The following COL23A1 variants were observed in gnomAD, a reference collection of about 807,000 sequenced individuals.
The protein encoded by COL23A1 is collagen type XXIII alpha 1 chain, also known as collagen alpha-1(XXIII) chain.
A neutral mutation model predicts 99.3 loss-of-function variants in COL23A1; 97 were observed. The observed-to-expected ratio is 0.98, with a 90% CI of 0.83 to 1.16. COL23A1 has a LOEUF of 1.16. COL23A1 is among the 50% of genes most tolerant of loss of function. The pLI, the probability that COL23A1 is intolerant of heterozygous loss-of-function variation, is 0.00. For missense variants in COL23A1, 762 were observed against 757.4 expected (o/e 1.01, Z -0.07); for synonymous variants, 320 against 308.2 (o/e 1.04, Z -0.40).
chr5:178,283,617 C>T (rs1757012220), intron 5 of COL23A1, among the ~76,000 whole-genome samples: 1 of 152,126 alleles, frequency 6.6e-6, no homozygotes, highest in African/African-American at 2.4e-5. Flanking sequence ...TAAAACAAAC[C>T]AGAAAGTCAC....
intron 5 of COL23A1, among the ~76,000 whole-genome samples, chr5:178,272,462 G>A (rs540791073): frequency 5.3e-5 from 8 of 152,342 alleles, no homozygotes; most frequent in African/African-American, 1.2e-4. Context: ...TCTCATGGTC[G>A]CTGAGGGTTT....
intron 2 of COL23A1, chr5:178,344,769 C>T (rs551043779): frequency 5.3e-5 from 26 of 489,964 alleles, no homozygotes; most frequent in Middle Eastern, 1.3e-3. Flanking sequence ...ACTGTATGCC[C>T]GTTGCCTCCA....
chr5:178,286,780 C>T (rs956030374), intron 5 of COL23A1, among the ~76,000 whole-genome samples: 3 of 152,178 alleles, frequency 2.0e-5, no homozygotes, highest in Non-Finnish European at 1.5e-5. Flanking sequence ...AGCCCCCTGC[C>T]CCTCCCCCGG....
At chr5:178,540,415 A>G (rs904094368) in intron 2 of COL23A1, among the ~76,000 whole-genome samples, 2 of 152,208 alleles carry the variant, frequency 1.3e-5, no homozygotes, top group African/African-American at 2.4e-5. Flanking sequence ...ACCTATCTAC[A>G]CAAGTTCACA....
intron 17 of COL23A1, among the ~76,000 whole-genome samples, 153 bp downstream of exon 17, chr5:178,252,391 C>A (rs1292525959): frequency 6.6e-6 from 1 of 152,120 alleles, no homozygotes; most frequent in Non-Finnish European, 1.5e-5. Flanking sequence ...AGAAGGCACT[C>A]AGCCTGGGAG....
intron 1 of COL23A1, among the ~76,000 whole-genome samples, chr5:178,584,953 T>G (rs1423754802): frequency 2.0e-5 from 3 of 151,986 alleles, no homozygotes; most frequent in Non-Finnish European, 4.4e-5. Context: ...TGTCCTAGAG[T>G]GCCACCCTTA....
At chr5:178,542,502 C>T (rs1024957909) in intron 2 of COL23A1, among the ~76,000 whole-genome samples, 6 of 152,188 alleles carry the variant, frequency 3.9e-5, no homozygotes, top group African/African-American at 1.4e-4. Context: ...GCGCTGGTCA[C>T]TGCAGCCATC....
At chr5:178,286,779 C>A (rs1182264035) in intron 5 of COL23A1, among the ~76,000 whole-genome samples, 1 of 152,154 alleles carries the variant, frequency 6.6e-6, no homozygotes, top group African/African-American at 2.4e-5. Context: ...AAGCCCCCTG[C>A]CCCTCCCCCG....
At chr5:178,469,450 T>C (rs1238957552) in intron 2 of COL23A1, among the ~76,000 whole-genome samples, 1 of 152,056 alleles carries the variant, frequency 6.6e-6, no homozygotes, top group Non-Finnish European at 1.5e-5. Flanking sequence ...TCTACGAAGC[T>C]CCATCACACA....
intron 2 of COL23A1, among the ~76,000 whole-genome samples, chr5:178,400,839 T>C (rs1040223114): frequency 7.9e-5 from 12 of 152,108 alleles, no homozygotes; most frequent in Admixed American, 7.9e-4. Flanking sequence ...GGTTTCACCA[T>C]ATTAGCCAGG....
At chr5:178,527,041 G>A (rs951004343) in intron 2 of COL23A1, among the ~76,000 whole-genome samples, 24 of 152,212 alleles carry the variant, frequency 1.6e-4, no homozygotes, top group African/African-American at 4.6e-4. Context: ...AGCTGAGTCC[G>A]GAAGCCAAGC....
chr5:178,484,852 A>C (rs1757531175), intron 2 of COL23A1, among the ~76,000 whole-genome samples: 1 of 147,812 alleles, frequency 6.8e-6, no homozygotes, highest in Non-Finnish European at 1.5e-5. Flanking sequence ...AAGAGCAGTG[A>C]GGCCAGACAC....
intron 2 of COL23A1, among the ~76,000 whole-genome samples, chr5:178,485,750 C>T (rs191917772): frequency 2.0e-5 from 3 of 146,924 alleles, no homozygotes; most frequent in African/African-American, 7.7e-5. Context: ...CCATTGCACT[C>T]CAGCCTGGGT....
intron 2 of COL23A1, among the ~76,000 whole-genome samples, chr5:178,320,532 G>T (rs372380993): frequency 6.6e-6 from 1 of 152,234 alleles, no homozygotes. Flanking sequence ...TGAGGAAGCC[G>T]CGCCAGCTGT....
chr5:178,365,692 A>T lies in COL23A1; in HGVS notation c.362-58773T>A, dbSNP rs1192103797. On this transcript the variant is annotated intron_variant, in intron 2 of 28. Coordinates refer to ENST00000390654, the MANE Select transcript of COL23A1 (RefSeq NM_173465.4). This position sits in a 1 kb window ranked among gnomAD's most constrained non-coding sequence, Gnocchi z 5.2. ...GACAACTGCGTGCTGTTCCCGGCAG[A>T]CCCTTGCGTTTCCTGTTCTCTGCCT... is the stretch of plus-strand genomic sequence containing the variant. 6.6e-6 allele frequency among the ~76,000 whole-genome samples: 1 copy of T among 151,838 alleles called. No homozygotes were observed. Among genetic ancestry groups the T allele is most frequent in the Non-Finnish European group, 1.5e-5 (1 of 67,952 alleles).
intron 1 of COL23A1, among the ~76,000 whole-genome samples, chr5:178,565,228 T>A (rs1762783527): frequency 6.6e-6 from 1 of 152,226 alleles, no homozygotes; most frequent in Non-Finnish European, 1.5e-5. Flanking sequence ...TGATATCATC[T>A]TCTCAGTGAA....
At chr5:178,545,929 T>C (rs1761554088) in intron 2 of COL23A1, among the ~76,000 whole-genome samples, 1 of 152,186 alleles carries the variant, frequency 6.6e-6, no homozygotes, top group South Asian at 2.1e-4. Context: ...TATTACCCCA[T>C]TTTATGCACA....
At chr5:178,496,705 G>C (rs1386716789) in intron 2 of COL23A1, among the ~76,000 whole-genome samples, 1 of 152,154 alleles carries the variant, frequency 6.6e-6, no homozygotes, top group Non-Finnish European at 1.5e-5. Context: ...GACTAAACAA[G>C]CCAATATGAT....
Position 178,263,273 on chromosome 5 carries a change from G to C in COL23A1, c.574C>G (p.Pro192Ala). Residue 192 changes from proline (P) to alanine (A), a missense_variant, in exon 9 of 29, where the codon CCT becomes GCT. Physicochemically the swap from Pro to Ala is conservative, Grantham distance 27 (BLOSUM62 -1). Transcript: ENST00000390654. Reference protein sequence around the residue: ...AAGPPGPPGPPGARGPPGDTG... With the variant: ...AAGPPGPPGPAGARGPPGDTG... ...TCGCCAGGAGGGCCCCGGGCCCCAG[G>C]AGGTCCAGGGGGCCCCGGAGGCCCA... is the stretch of plus-strand genomic sequence containing the variant. 5.6e-6 allele frequency: 9 copies of C among 1,613,054 alleles called. 1 individual carries two copies. The highest frequency in any genetic ancestry group is 7.6e-6 in the Non-Finnish European group (9 of 1,179,698).
Sources: allele counts gnomAD v4.1 joint callset (sites outside exome capture counted in the v4.1 genomes callset), GRCh38; gene constraint gnomAD v4.1.1; non-coding constraint Gnocchi (gnomAD v3.1); transcripts MANE v1.5; gene names NCBI Gene and HGNC (gene_info 2026-07-23, HGNC 2026-07-21).